Variants in YWHAE observed in about 807,000 individuals in gnomAD.
YWHAE encodes tyrosine 3-monooxygenase/tryptophan 5-monooxygenase activation protein epsilon.
Under a neutral mutation model 30.1 loss-of-function variants are expected in YWHAE, and 4 were observed. The observed-to-expected ratio is 0.13, with a 90% CI of 0.07 to 0.30. The LOEUF is 0.30. YWHAE is among the 10% of genes least tolerant of loss of function. YWHAE has a pLI of 1.00. For missense variants in YWHAE, 121 were observed against 315.9 expected, an observed-to-expected ratio of 0.38 and a Z score of 4.68; for synonymous variants, 118 against 111.8, an observed-to-expected ratio of 1.06 and a Z score of -0.35.
rs115115827 is a variant in YWHAE at position 1,374,981 on chromosome 17, C to T, written c.65-9923G>A. Among the ~76,000 whole-genome samples the T allele has an allele frequency of 9.6e-3, 1,454 of 152,182 alleles. 22 individuals are homozygous for T. The highest frequency in any genetic ancestry group is 0.028 in the African/African-American group (1,157 of 41,522). ...TGTCGTGCAGTGGCTATTCACAGGC[C>T]CATGATCACAGCGCACTATGTAGCC... On this transcript the variant is annotated intron_variant, in intron 1 of 5. Transcript: ENST00000264335.
At chr17:1,351,467 C>T (rs138364773) in intron 5 of YWHAE, among the ~76,000 whole-genome samples, 1 of 151,848 alleles carries the variant, frequency 6.6e-6, no homozygotes, top group African/African-American at 2.4e-5. Flanking sequence ...AAAACATGTC[C>T]CCAGAGGTGA....
chr17:1,374,056 G>A (rs898809348), intron 1 of YWHAE, among the ~76,000 whole-genome samples: 2 of 152,102 alleles, frequency 1.3e-5, no homozygotes, highest in Non-Finnish European at 2.9e-5. Context: ...GGTGGCTCAC[G>A]CCTACAATCC....
intron 1 of YWHAE, among the ~76,000 whole-genome samples, chr17:1,393,100 A>G (rs1268439058): frequency 6.6e-6 from 1 of 151,756 alleles, no homozygotes; most frequent in African/African-American, 2.4e-5. Flanking sequence ...CCAGCACTCC[A>G]GCCTGGGTGA....
intron 1 of YWHAE, among the ~76,000 whole-genome samples, chr17:1,387,212 TG>T (rs1226727296): frequency 6.6e-6 from 1 of 152,084 alleles, no homozygotes; most frequent in Non-Finnish European, 1.5e-5. Flanking sequence ...ATAAAAATAT[TG>T]GGGGTGGGGG....
intron 1 of YWHAE, among the ~76,000 whole-genome samples, chr17:1,392,836 G>A (rs182277388): frequency 6.7e-6 from 1 of 150,244 alleles, no homozygotes; most frequent in Non-Finnish European, 1.5e-5. Context: ...AATGACAAGA[G>A]GGAAAATCCA....
At chr17:1,377,002 C>T (rs1048369139) in intron 1 of YWHAE, among the ~76,000 whole-genome samples, 1 of 151,234 alleles carries the variant, frequency 6.6e-6, no homozygotes, top group African/African-American at 2.4e-5. Flanking sequence ...CAACCTCCAT[C>T]TCCCATGTTC....
chr17:1,364,599 G>C (rs922609626), intron 2 of YWHAE: 1 of 509,194 alleles, frequency 2.0e-6, no homozygotes. Context: ...ATCCAAGAGG[G>C]ATCCATTGAG....
At chr17:1,368,429 T>G (rs2072979591) in intron 1 of YWHAE, among the ~76,000 whole-genome samples, 2 of 151,554 alleles carry the variant, frequency 1.3e-5, no homozygotes, top group African/African-American at 2.4e-5. Context: ...CCAGGCATGG[T>G]GGCAGGCATC....
intron 1 of YWHAE, among the ~76,000 whole-genome samples, chr17:1,371,566 G>C (rs1410934394): frequency 6.6e-6 from 1 of 152,056 alleles, no homozygotes; most frequent in Admixed American, 6.6e-5. Flanking sequence ...TTCTTAAAGA[G>C]GCCTCAAATT....
intron 3 of YWHAE, 75 bp downstream of exon 3, chr17:1,361,827 C>A (rs1451058990): frequency 3.2e-6 from 3 of 926,862 alleles, no homozygotes; most frequent in African/African-American, 1.7e-5. Flanking sequence ...AGTTGAAAAC[C>A]TACATAGAAC....
chr17:1,360,638 C>T (rs2072850035), intron 4 of YWHAE, among the ~76,000 whole-genome samples: 1 of 151,966 alleles, frequency 6.6e-6, no homozygotes, highest in African/African-American at 2.4e-5. Flanking sequence ...TGGTGGCAGG[C>T]CCCTGTAACT....
intron 4 of YWHAE, among the ~76,000 whole-genome samples, chr17:1,356,171 AACACACACACAC>A (rs71148473): frequency 0.012 from 1,769 of 143,088 alleles, 32 homozygotes; most frequent in African/African-American, 0.036. Flanking sequence ...TCCGTCTAAA[AACACACACACAC>A]ACACACACAC....
intron 1 of YWHAE, among the ~76,000 whole-genome samples, chr17:1,397,787 T>TCTC (rs1291628357): frequency 2.6e-5 from 4 of 152,030 alleles, no homozygotes; most frequent in Non-Finnish European, 4.4e-5. Flanking sequence ...CTGGTTTCTG[T>TCTC]CTCCTCCTCC....
intron 4 of YWHAE, among the ~76,000 whole-genome samples, chr17:1,356,398 A>G (rs1240523873): frequency 1.3e-5 from 2 of 152,184 alleles, no homozygotes; most frequent in East Asian, 1.9e-4. Flanking sequence ...TATTCCAAAT[A>G]AAGTATTTCA....
intron 1 of YWHAE, among the ~76,000 whole-genome samples, chr17:1,378,440 G>A (rs2073155732): frequency 6.6e-6 from 1 of 152,168 alleles, no homozygotes; most frequent in Non-Finnish European, 1.5e-5. Context: ...ATTTCTAAAA[G>A]GTCCCAATAT....
chr17:1,363,817 T>A (rs375922405), intron 2 of YWHAE, among the ~76,000 whole-genome samples: 1 of 150,898 alleles, frequency 6.6e-6, no homozygotes, highest in Admixed American at 6.6e-5. Context: ...GCCCTGTAAT[T>A]CTCTTCCCTG....
chr17:1,345,244 T>C lies in YWHAE; in HGVS notation c.*203A>G. 2 of 577,410 alleles carry C rather than the reference T, an allele frequency of 3.5e-6. No individual in the cohort carries two copies. The highest frequency in any genetic ancestry group is 6.0e-6 in the Non-Finnish European group (2 of 332,412). 35.8% of individuals were successfully genotyped at this position (577,410 alleles called of 1,614,324 possible). A position where few individuals can be genotyped will look rare whatever the true frequency, so the allele number is the denominator to read the frequency against. ...AACCTAAAAGCTGGGACCAGTAAAA[T>C]CCACAGAAATTCACTCTTGCCTTTA... On this transcript the variant is annotated 3_prime_UTR_variant, in exon 6 of 6. Transcript: ENST00000264335.
chr17:1,355,164 T>C (rs1439679659), intron 4 of YWHAE, among the ~76,000 whole-genome samples: 158 of 35,230 alleles, frequency 4.5e-3, no homozygotes, highest in African/African-American at 0.018. Flanking sequence ...TTTTTTTTTT[T>C]TTTTTTTTGG....
intron 1 of YWHAE, among the ~76,000 whole-genome samples, 187 bp from the exon 2 acceptor site, chr17:1,365,245 T>C (rs2072924262): frequency 9.5e-6 from 1 of 105,544 alleles, no homozygotes; most frequent in Non-Finnish European, 1.8e-5. Context: ...TAAGAGCCAA[T>C]ACAAAGACTC....
Sources: gnomAD v4.1 joint callset for allele counts (sites outside exome capture counted in the v4.1 genomes callset) on GRCh38, gnomAD v4.1.1 for gene constraint, MANE v1.5 for transcripts, NCBI Gene and HGNC (gene_info 2026-07-23, HGNC 2026-07-21) for gene names.